EPC2: variants seen among roughly 807,000 people sequenced by gnomAD.
EPC2 encodes the protein enhancer of polycomb homolog 2.
EPC2 carries 14 observed loss-of-function variants against 92.1 expected under a neutral mutation model. That is an observed-to-expected ratio of 0.15 (90% CI 0.10 to 0.24). EPC2 has a LOEUF of 0.24. EPC2 is among the 10% of genes least tolerant of loss of function. EPC2 has a pLI of 1.00. For synonymous variants in EPC2, 340 were observed against 334.7 expected (o/e 1.02, Z -0.17); for missense variants, 755 against 971.5 (o/e 0.78, Z 2.96).
intron 3 of EPC2, among the ~76,000 whole-genome samples, chr2:148,752,187 G>A (rs1199616834): frequency 1.2e-4 from 18 of 152,168 alleles, no homozygotes; most frequent in Admixed American, 1.2e-3. Context: ...CCATTCGGAG[G>A]TTAGATTAAG....
At chr2:148,777,191 A>T (rs1345751377) in intron 10 of EPC2, among the ~76,000 whole-genome samples, 1 of 152,086 alleles carries the variant, frequency 6.6e-6, no homozygotes, top group African/African-American at 2.4e-5. Context: ...AGAGAAAAAA[A>T]AAGAAAAGAC....
intron 4 of EPC2, among the ~76,000 whole-genome samples, chr2:148,760,978 A>G (rs1683292576): frequency 6.6e-6 from 1 of 152,208 alleles, no homozygotes; most frequent in Admixed American, 6.5e-5. Flanking sequence ...TTTTTAAACA[A>G]ATAGTTCCAT....
intron 2 of EPC2, among the ~76,000 whole-genome samples, chr2:148,709,767 A>G (rs1460785563): frequency 1.3e-5 from 2 of 152,230 alleles, no homozygotes; most frequent in African/African-American, 4.8e-5. Context: ...TATTTAATAA[A>G]TGGTGCTGGG....
chr2:148,674,894 T>C (rs549985837), intron 1 of EPC2, among the ~76,000 whole-genome samples: 2 of 152,346 alleles, frequency 1.3e-5, no homozygotes, highest in Admixed American at 6.5e-5. Flanking sequence ...GGCTTACTCA[T>C]CCTCCATCTT....
intron 1 of EPC2, among the ~76,000 whole-genome samples, chr2:148,646,801 A>G (rs1378649924): frequency 6.6e-6 from 1 of 152,094 alleles, no homozygotes; most frequent in African/African-American, 2.4e-5. Flanking sequence ...TGATCCTATT[A>G]TTTTAGAACT....
intron 2 of EPC2, among the ~76,000 whole-genome samples, chr2:148,726,978 A>G (rs1682512395): frequency 2.0e-5 from 3 of 151,738 alleles, no homozygotes; most frequent in Non-Finnish European, 4.4e-5. Flanking sequence ...TGGTGCTTTA[A>G]TGTCATATCC....
At position 148,671,610 on chromosome 2, in the gene EPC2, T is replaced by C. The variant is rs560238808; in HGVS notation, c.154-18604T>C. ...GCCTGGGCAACAGAGCAAGACCCCA[T>C]CCCCCCAAAAAAAGTCATCTTTTCT... On this transcript the variant is annotated intron_variant, in intron 1 of 13. Transcript: ENST00000258484. Among the ~76,000 whole-genome samples, 1,191 of 142,552 alleles carry C rather than the reference T, an allele frequency of 8.4e-3. 10 individuals carry two copies. The highest frequency in any genetic ancestry group is 0.022 in the Middle Eastern group (5 of 230). The allele number at this position is 142,552 out of a possible 152,430, so 93.5% of individuals were successfully genotyped here.
chr2:148,646,487 G>A (rs1022351146), intron 1 of EPC2, among the ~76,000 whole-genome samples: 1 of 151,700 alleles, frequency 6.6e-6, no homozygotes, highest in East Asian at 1.9e-4. Context: ...ATATATACAC[G>A]CACATACACA....
At chr2:148,692,051 G>A (rs989607170) in intron 2 of EPC2, 26 of 321,228 alleles carry the variant, frequency 8.1e-5, no homozygotes, top group Non-Finnish European at 9.6e-5. Context: ...ATTTGTTCCC[G>A]CTTTCTCCTT....
intron 4 of EPC2, among the ~76,000 whole-genome samples, chr2:148,754,577 A>T (rs1265148406): frequency 6.6e-6 from 1 of 152,168 alleles, no homozygotes; most frequent in Non-Finnish European, 1.5e-5. Context: ...TTGAGACTTT[A>T]CAGTTCCTTG....
At chr2:148,702,249 A>G (rs571274244) in intron 2 of EPC2, among the ~76,000 whole-genome samples, 1 of 152,348 alleles carries the variant, frequency 6.6e-6, no homozygotes, top group Admixed American at 6.5e-5. Flanking sequence ...TTCAGCAACA[A>G]AACAGAAAAT....
At chr2:148,756,636 C>T (rs898498439) in intron 4 of EPC2, among the ~76,000 whole-genome samples, 1 of 152,156 alleles carries the variant, frequency 6.6e-6, no homozygotes, top group Non-Finnish European at 1.5e-5. Flanking sequence ...TCTTAAGGCA[C>T]CAGCATGTCT....
chr2:148,681,355 A>C (rs1315749739), intron 1 of EPC2, among the ~76,000 whole-genome samples: 3 of 152,004 alleles, frequency 2.0e-5, no homozygotes, highest in Admixed American at 2.0e-4. Flanking sequence ...GGGGATTGTT[A>C]TTGGGGGAGG....
chr2:148,646,875 G>T (rs1490271931), intron 1 of EPC2, among the ~76,000 whole-genome samples: 3 of 152,126 alleles, frequency 2.0e-5, no homozygotes, highest in African/African-American at 7.2e-5. Context: ...ACTTTGGAAG[G>T]CCGAGGTGGG....
At position 148,784,741 on chromosome 2, in the gene EPC2, A is replaced by G. The variant is rs773502492; in HGVS notation, c.2091A>G (p.Val697=). Residue 697 remains valine (V), a synonymous_variant, in exon 13 of 14, where the codon GTA becomes GTG. Coordinates refer to ENST00000258484, the MANE Select transcript of EPC2 (RefSeq NM_015630.4). ...CAGGGATTTCAGCTGTACAGCTTGT[A>G]AGGACAGTTGGCCACACCACTACAA... The part of the protein sequence containing the change: ...SSPGISAVQL[V]RTVGHTTTNH... 1.2e-6 allele frequency: 2 copies of G among 1,613,972 alleles called. No homozygotes were observed. The highest frequency in any genetic ancestry group is 1.7e-6 in the Non-Finnish European group (2 of 1,179,860).
At chr2:148,658,969 A>G (rs1680878960) in intron 1 of EPC2, among the ~76,000 whole-genome samples, 1 of 151,900 alleles carries the variant, frequency 6.6e-6, no homozygotes. Flanking sequence ...TCAAGTTTGT[A>G]TTTGTAATAG....
chr2:148,782,596 G>A (rs2105441533), intron 11 of EPC2, among the ~76,000 whole-genome samples: 1 of 151,880 alleles, frequency 6.6e-6, no homozygotes, highest in Non-Finnish European at 1.5e-5. Flanking sequence ...ATTGCCACTA[G>A]GGGAAGTTGT....
intron 2 of EPC2, among the ~76,000 whole-genome samples, chr2:148,733,139 A>G (rs889805096): frequency 4.2e-5 from 6 of 144,024 alleles, no homozygotes; most frequent in Non-Finnish European, 9.2e-5. Context: ...AGAGTATTTC[A>G]AACAGTATCT....
At chr2:148,649,072 A>T (rs185772519) in intron 1 of EPC2, among the ~76,000 whole-genome samples, 1 of 152,132 alleles carries the variant, frequency 6.6e-6, no homozygotes, top group Non-Finnish European at 1.5e-5. Context: ...CCTCCCCATG[A>T]GTGTTGTATA....
Sources: allele counts gnomAD v4.1 joint callset (sites outside exome capture counted in the v4.1 genomes callset), GRCh38; gene constraint gnomAD v4.1.1; transcripts MANE v1.5; gene names NCBI Gene and HGNC (gene_info 2026-07-23, HGNC 2026-07-21).